EEPD1: variants seen among roughly 807,000 people sequenced by gnomAD.
EEPD1 encodes endonuclease/exonuclease/phosphatase family domain-containing protein 1.
In EEPD1, 17 loss-of-function variants were observed where a neutral mutation model predicts 46.3. The ratio of observed to expected loss-of-function variants is 0.37; its 90% CI spans 0.25 to 0.55. The LOEUF is 0.55. EEPD1 is among the 20% of genes least tolerant of loss of function. The pLI, the probability that EEPD1 is intolerant of heterozygous loss-of-function variation, is 0.83. For missense variants in EEPD1, 673 were observed against 745.6 expected, an observed-to-expected ratio of 0.90 and a Z score of 1.13; for synonymous variants, 313 against 315.6, an observed-to-expected ratio of 0.99 and a Z score of 0.09.
rs1389875611 is a variant in EEPD1, at chr7:36,278,458, G to C, written c.931-2657G>C. On this transcript the variant is annotated intron_variant, in intron 3 of 7. Transcript: ENST00000242108. ...GGTGTGTTCCTTCTCCACCCCCAGG[G>C]CTGGGCCTCTCTGATCTACCTGGTT... is the stretch of plus-strand genomic sequence containing the variant. Among the ~76,000 whole-genome samples the C allele has an allele frequency of 6.7e-5, 10 of 149,882 alleles. No individual in the cohort carries two copies. The Admixed American group carries it at 6.7e-4, about 10-fold the overall frequency.
intron 2 of EEPD1, among the ~76,000 whole-genome samples, chr7:36,183,503 A>C (rs764955283): frequency 6.6e-6 from 1 of 152,058 alleles, no homozygotes; most frequent in Admixed American, 6.6e-5. Context: ...AAAACTGCCA[A>C]TCTGTTTGTG....
At chr7:36,205,730 C>G (rs1238063777) in intron 2 of EEPD1, among the ~76,000 whole-genome samples, 1 of 152,122 alleles carries the variant, frequency 6.6e-6, no homozygotes, top group Non-Finnish European at 1.5e-5. Flanking sequence ...AAGAAATTCC[C>G]AAAGTGAGCA....
At chr7:36,286,741 C>G (rs978194124) in intron 5 of EEPD1, among the ~76,000 whole-genome samples, 16 of 152,124 alleles carry the variant, frequency 1.1e-4, no homozygotes, top group African/African-American at 3.4e-4. Context: ...GAGGAGGAGG[C>G]ACATCCCAGC....
intron 2 of EEPD1, among the ~76,000 whole-genome samples, chr7:36,233,148 C>A (rs542590551): frequency 6.6e-6 from 1 of 152,288 alleles, no homozygotes; most frequent in East Asian, 1.9e-4. Context: ...ACTGGATAGT[C>A]CTAACTTAGC....
At chr7:36,258,691 C>A (rs976840079) in intron 3 of EEPD1, among the ~76,000 whole-genome samples, 3 of 152,106 alleles carry the variant, frequency 2.0e-5, no homozygotes, top group Non-Finnish European at 4.4e-5. Context: ...CTCCAGCATC[C>A]CAGGTCGACT....
chr7:36,170,580 T>C (rs1785061278), intron 2 of EEPD1, among the ~76,000 whole-genome samples: 1 of 142,334 alleles, frequency 7.0e-6, no homozygotes, highest in African/African-American at 2.7e-5. Context: ...TTTTTTTTTT[T>C]TTCAGAGCTC....
chr7:36,190,447 C>T (rs1345787264), intron 2 of EEPD1, among the ~76,000 whole-genome samples: 2 of 152,214 alleles, frequency 1.3e-5, no homozygotes, highest in South Asian at 2.1e-4. Context: ...TTGACTCCTG[C>T]GTCTTATCCC....
In EEPD1 at chr7:36,154,029, C is replaced by T. The variant is rs1206219385; in HGVS notation, c.-192-104C>T. The T allele has an allele frequency of 2.3e-6, 1 of 441,924 alleles. No homozygotes were observed. Among genetic ancestry groups the T allele is most frequent in the Non-Finnish European group, 4.1e-6 (1 of 244,586 alleles). 27.4% of individuals were successfully genotyped at this position (441,924 alleles called of 1,614,324 possible). Reference sequence around the variant, plus strand: ...GCGTTTTTAGGGGTTCACGGGCAGCCACCAGTCCCCGACTCCTGGTTACTA... The same window carrying T: ...GCGTTTTTAGGGGTTCACGGGCAGCTACCAGTCCCCGACTCCTGGTTACTA... On this transcript the variant is annotated intron_variant, in intron 1 of 7. Coordinates refer to ENST00000242108, the MANE Select transcript of EEPD1 (RefSeq NM_030636.3). This position sits in a 1 kb window ranked among gnomAD's most constrained non-coding sequence, Gnocchi z 4.2.
At chr7:36,215,370 C>T (rs1291311280) in intron 2 of EEPD1, among the ~76,000 whole-genome samples, 1 of 152,194 alleles carries the variant, frequency 6.6e-6, no homozygotes, top group Non-Finnish European at 1.5e-5. Context: ...TTAAGGGGCC[C>T]AACCTTTTAA....
At chr7:36,171,684 C>T (rs1365001612) in intron 2 of EEPD1, among the ~76,000 whole-genome samples, 1 of 152,200 alleles carries the variant, frequency 6.6e-6, no homozygotes, top group African/African-American at 2.4e-5. Flanking sequence ...TTAATTGTGT[C>T]TTTGCTTCTT....
At chr7:36,188,595 T>C (rs1398447148) in intron 2 of EEPD1, among the ~76,000 whole-genome samples, 1 of 152,128 alleles carries the variant, frequency 6.6e-6, no homozygotes, top group Non-Finnish European at 1.5e-5. Flanking sequence ...GGTGGGGGTG[T>C]CCTGTGATCC....
At chr7:36,213,178 TAGAA>T (rs1356760234) in intron 2 of EEPD1, among the ~76,000 whole-genome samples, 16 of 151,800 alleles carry the variant, frequency 1.1e-4, no homozygotes, top group Non-Finnish European at 2.2e-4. Context: ...AATAAATAAA[TAGAA>T]AGCATGGCTC....
chr7:36,239,187 A>G, intron 3 of EEPD1, 151 bp downstream of exon 3: 1 of 815,624 alleles, frequency 1.2e-6, no homozygotes, highest in Non-Finnish European at 2.0e-6. Flanking sequence ...CAGAATTTTA[A>G]TCTGAGCCCC....
intron 6 of EEPD1, among the ~76,000 whole-genome samples, chr7:36,295,067 A>G (rs1787500768): frequency 6.6e-6 from 1 of 151,968 alleles, no homozygotes; most frequent in Non-Finnish European, 1.5e-5. Context: ...AATCCCAGCT[A>G]CTCAGGAGGC....
At chr7:36,156,220 C>T (rs555655782) in intron 2 of EEPD1, among the ~76,000 whole-genome samples, 5 of 152,152 alleles carry the variant, frequency 3.3e-5, no homozygotes, top group East Asian at 1.9e-4. Context: ...GAACTCTCAG[C>T]GGGAAATCAC....
chr7:36,173,224 A>G (rs1785120315), intron 2 of EEPD1, among the ~76,000 whole-genome samples: 2 of 151,122 alleles, frequency 1.3e-5, no homozygotes, highest in Admixed American at 1.3e-4. Flanking sequence ...GATGGTTTAA[A>G]AGTGTTTGGC....
chr7:36,247,480 C>T (rs1214098316), intron 3 of EEPD1, among the ~76,000 whole-genome samples: 5 of 152,142 alleles, frequency 3.3e-5, no homozygotes, highest in Admixed American at 2.0e-4. Flanking sequence ...TGTTTACCAA[C>T]GGGGATAAAG....
At chr7:36,179,035 A>G (rs1355323391) in intron 2 of EEPD1, among the ~76,000 whole-genome samples, 4 of 152,244 alleles carry the variant, frequency 2.6e-5, no homozygotes, top group Non-Finnish European at 5.9e-5. Flanking sequence ...AGAAAATAAT[A>G]AAAGAAATTA....
At chr7:36,197,358 C>G (rs1030042168) in intron 2 of EEPD1, among the ~76,000 whole-genome samples, 16 of 151,964 alleles carry the variant, frequency 1.1e-4, no homozygotes, top group Non-Finnish European at 2.2e-4. Flanking sequence ...GCCCGGCCGC[C>G]CCTACTGGGA....
Sources: allele counts gnomAD v4.1 joint callset (sites outside exome capture counted in the v4.1 genomes callset), GRCh38; gene constraint gnomAD v4.1.1; non-coding constraint Gnocchi (gnomAD v3.1); transcripts MANE v1.5; gene names NCBI Gene and HGNC (gene_info 2026-07-23, HGNC 2026-07-21).